The following TYK2 variants were observed in gnomAD, a reference collection of about 807,000 sequenced individuals.
TYK2 encodes the protein tyrosine kinase 2, also known as non-receptor tyrosine-protein kinase TYK2.
TYK2 carries 65 observed loss-of-function variants against 130.9 expected under a neutral mutation model. The ratio of observed to expected loss-of-function variants is 0.50; its 90% CI spans 0.41 to 0.61. TYK2 has a LOEUF of 0.61. TYK2 is among the 20% of genes least tolerant of loss of function. The pLI is 0.00. For missense variants in TYK2, 1,378 were observed against 1,610.7 expected (o/e 0.86, Z 2.47); for synonymous variants, 647 against 658.9 (o/e 0.98, Z 0.28).
At chr19:10,357,737 G>A in intron 17 of TYK2, 27 bp downstream of exon 17, 1 of 1,584,608 alleles carries the variant, frequency 6.3e-7, no homozygotes, top group Non-Finnish European at 8.6e-7. Flanking sequence ...CCACTGCGGG[G>A]AGGGCCCAAG....
At chr19:10,372,773 G>A (rs1304490513) in intron 3 of TYK2, among the ~76,000 whole-genome samples, 1 of 151,854 alleles carries the variant, frequency 6.6e-6, no homozygotes, top group Non-Finnish European at 1.5e-5. Flanking sequence ...TTGCAGGCGT[G>A]AGCCACTGCA....
chr19:10,352,406 C>T, intron 23 of TYK2, 28 bp downstream of exon 23: 1 of 1,464,124 alleles, frequency 6.8e-7, no homozygotes, highest in Non-Finnish European at 9.6e-7. Context: ...TAGCAAACTC[C>T]CGGTGGGGCT....
intron 17 of TYK2, chr19:10,357,469 C>A: frequency 1.4e-6 from 1 of 702,424 alleles, no homozygotes; most frequent in South Asian, 1.5e-5. Context: ...CATCCTCAGC[C>A]CTTCTTCCCC....
At position 10,361,244 on chromosome 19, in the gene TYK2, G is replaced by A. The variant is rs896600899; in HGVS notation, c.2047+267C>T. ...GGTTGTTTGGGAGGTTGATGGAAGT[G>A]GGGATGTAGTTGGGAATCAGGGTGG... is the stretch of plus-strand genomic sequence containing the variant. On this transcript the variant is annotated intron_variant, in intron 14 of 24. Coordinates refer to ENST00000525621, the MANE Select transcript of TYK2 (RefSeq NM_003331.5). This position sits in a 1 kb window ranked among gnomAD's most constrained non-coding sequence, Gnocchi z 4.0. 3.3e-6 allele frequency: 2 copies of A among 598,538 alleles called. No homozygotes were observed. Among genetic ancestry groups the A allele is most frequent in the Non-Finnish European group, 3.0e-6 (1 of 328,822 alleles). 37.1% of individuals were successfully genotyped at this position (598,538 alleles called of 1,614,324 possible).
At chr19:10,369,084 C>T (rs1158493553) in intron 3 of TYK2, among the ~76,000 whole-genome samples, 2 of 152,150 alleles carry the variant, frequency 1.3e-5, no homozygotes, top group African/African-American at 2.4e-5. Context: ...GCTGAGATTA[C>T]AGGCATGAGC....
chr19:10,363,185 C>G (rs12720274), intron 9 of TYK2, among the ~76,000 whole-genome samples: 1 of 141,426 alleles, frequency 7.1e-6, no homozygotes, highest in Non-Finnish European at 1.5e-5. Flanking sequence ...TACCTGATCT[C>G]TCTTTTTTTT....
chr19:10,355,041 AAAAG>A (rs201621864), intron 18 of TYK2, among the ~76,000 whole-genome samples: 59 of 151,188 alleles, frequency 3.9e-4, no homozygotes, highest in East Asian at 1.2e-3. Context: ...AAAAAAAAAA[AAAAG>A]AAAGAAAGAA....
intron 9 of TYK2, 137 bp from the exon 10 acceptor site, chr19:10,362,794 G>A: frequency 4.1e-6 from 3 of 735,812 alleles, no homozygotes; most frequent in Non-Finnish European, 7.0e-6. Flanking sequence ...ACTCTTGTGG[G>A]GACACTAACT....
intron 15 of TYK2, 89 bp downstream of exon 15, chr19:10,359,086 G>C: frequency 6.6e-7 from 1 of 1,524,042 alleles, no homozygotes; most frequent in East Asian, 2.3e-5. Context: ...AAAAAAGATG[G>C]GGTCTCGCCC....
At position 10,353,914 on chromosome 19, in the gene TYK2, A is replaced by C; in HGVS notation, c.2908+128T>G. ...CAGCCACGCTCACCCAGATGCCAAG[A>C]ACCGCGTACTGCAGCCTGGGGTTGA... On this transcript the variant is annotated intron_variant, in intron 20 of 24. Transcript: ENST00000525621. The surrounding 1 kb of genome is among the most constrained non-coding windows in gnomAD (Gnocchi z 6.9). 2 of 1,048,414 alleles carry C rather than the reference A, an allele frequency of 1.9e-6. No homozygotes were observed. The highest frequency in any genetic ancestry group is 2.8e-6 in the Non-Finnish European group (2 of 702,128). 64.9% of individuals were successfully genotyped at this position (1,048,414 alleles called of 1,614,324 possible). A position where few individuals can be genotyped will look rare whatever the true frequency, so the allele number is the denominator to read the frequency against.
chr19:10,356,913 G>T, intron 17 of TYK2, 195 bp from the exon 18 acceptor site: 1 of 633,238 alleles, frequency 1.6e-6, no homozygotes, highest in Admixed American at 2.5e-5. Flanking sequence ...TGGGACCCAG[G>T]TCCAGTGATT....
In TYK2 at chr19:10,378,328, C is replaced by T; in HGVS notation, c.79G>A (p.Gly27Ser). Residue 27 changes from glycine to serine, a missense_variant, in exon 3 of 25, where the codon GGC becomes AGC. Gly to Ser is a moderately conservative substitution (Grantham distance 56). Transcript: ENST00000525621. ...DGAQPMAAMG[G>S]LKVLLHWAGP... ...GCCCAGTGCAGAAGCACCTTCAGGC[C>T]TCCCATGGCAGCCATGGGCTGGGCT... 6.2e-7 allele frequency: 1 copy of T among 1,612,760 alleles called. No homozygotes were observed. Among genetic ancestry groups the T allele is most frequent in the African/African-American group, 1.3e-5 (1 of 75,036 alleles).
chr19:10,369,882 A>C (rs2041840967), intron 3 of TYK2: 2 of 344,538 alleles, frequency 5.8e-6, no homozygotes, highest in Non-Finnish European at 1.1e-5. Flanking sequence ...TCTCTACTAA[A>C]AAATACAAAA....
In TYK2 at chr19:10,353,783, G is replaced by A; in HGVS notation, c.2909-137C>T. 1 of 699,298 alleles carries A rather than the reference G, an allele frequency of 1.4e-6. No individual in the cohort carries two copies. The highest frequency in any genetic ancestry group is 2.3e-6 in the Non-Finnish European group (1 of 425,876). The allele number at this position is 699,298 out of a possible 1,614,324, so 43.3% of individuals were successfully genotyped here. On this transcript the variant is annotated intron_variant, in intron 20 of 24. Transcript: ENST00000525621. The surrounding 1 kb of genome is among the most constrained non-coding windows in gnomAD (Gnocchi z 6.9). ...CGCACACTAGACCCAGTTCTCAGGT[G>A]GGATGGACCCATCCAGAACCCCATT...
rs1568337685 is a variant in TYK2 at position 10,365,445 on chromosome 19, G to GAACACA, written c.1011+71_1011+72insTGTGTT. On this transcript the variant is annotated intron_variant, in intron 7 of 24. Coordinates refer to ENST00000525621, the MANE Select transcript of TYK2 (RefSeq NM_003331.5). ...CAGGTCAGCCACCCTCAGAGGCTAG[G>GAACACA]GTCAAGGATGAACACAGAAACCCAC... is the stretch of plus-strand genomic sequence containing the variant. 75 of 1,603,128 alleles carry GAACACA rather than the reference G, an allele frequency of 4.7e-5. No individual in the cohort carries two copies. The African/African-American group carries it at 7.5e-4, about 16-fold the overall frequency.
rs59020787 is a variant in TYK2 at position 10,377,324 on chromosome 19, GTGGATGGATGGATGGA to G, written c.193+874_193+889del. 1.3e-3 allele frequency among the ~76,000 whole-genome samples: 182 copies of G among 135,578 alleles called. 1 individual carries two copies. The highest frequency in any genetic ancestry group is 4.2e-3 in the African/African-American group (148 of 35,374). 88.9% of individuals were successfully genotyped at this position (135,578 alleles called of 152,430 possible). On this transcript the variant is annotated intron_variant, in intron 3 of 24. Transcript: ENST00000525621. ...TACAAAATGTTCACCGAATGAACGG[GTGGATGGATGGATGGA>G]TGGATGGATGGATGGATGGATGGAT...
chr19:10,358,576 C>A (rs959046628), intron 15 of TYK2, among the ~76,000 whole-genome samples: 2 of 152,008 alleles, frequency 1.3e-5, no homozygotes, highest in Non-Finnish European at 1.5e-5. Context: ...ACCTCAACTT[C>A]CTGAGTACCT....
chr19:10,377,310 C>G (rs1201743789), intron 3 of TYK2, among the ~76,000 whole-genome samples: 1 of 146,640 alleles, frequency 6.8e-6, no homozygotes, highest in Non-Finnish European at 1.5e-5. Context: ...ACAAAATGTT[C>G]ACCGAATGAA....
Position 10,354,118 on chromosome 19 carries a change from C to T in TYK2, c.2832G>A (p.Trp944Ter). The T allele has an allele frequency of 6.2e-7, 1 of 1,614,114 alleles. No homozygotes were observed. The change falls in exon 20 of 25, where the codon TGG becomes TGA. Residue 944 changes from tryptophan (W) to a stop codon, truncating the protein, a stop_gained. Transcript: ENST00000525621. LOFTEE classifies it high-confidence loss of function. ...TGCGCAGAATGTCAATCTCCTGCTTCCAGCCCGAGCGGTGCTGGGGGCCGC... is the reference window on the plus strand; with the variant it reads ...TGCGCAGAATGTCAATCTCCTGCTTTCAGCCCGAGCGGTGCTGGGGGCCGC... ...ADCGPQHRSG[W>*]KQEIDILRTL...
Sources: gnomAD v4.1 joint callset for allele counts (sites outside exome capture counted in the v4.1 genomes callset) on GRCh38, gnomAD v4.1.1 for gene constraint, Gnocchi (gnomAD v3.1) non-coding constraint, MANE v1.5 for transcripts, NCBI Gene and HGNC (gene_info 2026-07-23, HGNC 2026-07-21) for gene names.